The following TLE1 variants were observed in gnomAD, a reference collection of about 807,000 sequenced individuals.
TLE1 encodes TLE family member 1, transcriptional corepressor.
In TLE1, 21 loss-of-function variants were observed where a neutral mutation model predicts 89.8. The observed-to-expected ratio is 0.23, with a 90% CI of 0.17 to 0.34. TLE1 has a LOEUF of 0.34. Ranked by LOEUF, TLE1 falls within the 10% of genes least tolerant of loss-of-function variation. TLE1 has a pLI of 1.00. For missense variants in TLE1, 795 were observed against 1,031.2 expected (o/e 0.77, Z 3.14); for synonymous variants, 447 against 407.6 (o/e 1.10, Z -1.16).
chr9:81,650,177 G>A (rs1829368748), intron 6 of TLE1, among the ~76,000 whole-genome samples: 1 of 152,100 alleles, frequency 6.6e-6, no homozygotes, highest in Non-Finnish European at 1.5e-5. Context: ...AAATTCATTT[G>A]CCCTTCTAAA....
chr9:81,652,106 T>TATACACACAC, intron 6 of TLE1, 108 bp downstream of exon 6: 1 of 695,124 alleles, frequency 1.4e-6, no homozygotes, highest in Non-Finnish European at 2.3e-6. Flanking sequence ...AACGTTAAGA[T>TATACACACAC]ACACACACAC....
intron 8 of TLE1, among the ~76,000 whole-genome samples, chr9:81,624,168 T>C (rs969705228): frequency 6.6e-6 from 1 of 152,246 alleles, no homozygotes; most frequent in South Asian, 2.1e-4. Context: ...ACCTGACGCA[T>C]GGTTTCTCTG....
At chr9:81,631,955 A>G (rs1826673932) in intron 8 of TLE1, among the ~76,000 whole-genome samples, 1 of 152,172 alleles carries the variant, frequency 6.6e-6, no homozygotes, top group African/African-American at 2.4e-5. Context: ...ATACAAAATT[A>G]GCCAGGTGTG....
chr9:81,668,034 C>T (rs1831710996), intron 4 of TLE1, among the ~76,000 whole-genome samples: 1 of 152,040 alleles, frequency 6.6e-6, no homozygotes, highest in South Asian at 2.1e-4. Flanking sequence ...CGTGGTGGCA[C>T]ATGCCTATAA....
intron 6 of TLE1, among the ~76,000 whole-genome samples, chr9:81,641,396 G>T (rs1449122249): frequency 3.3e-5 from 5 of 151,916 alleles, no homozygotes; most frequent in Admixed American, 3.3e-4. Context: ...CTGCTTATGG[G>T]GCCAAGAATT....
At chr9:81,591,350 C>A (rs901881353) in intron 15 of TLE1, among the ~76,000 whole-genome samples, 1 of 152,278 alleles carries the variant, frequency 6.6e-6, no homozygotes, top group East Asian at 1.9e-4. Flanking sequence ...AACCACTTTT[C>A]CAAGCTAGTT....
chr9:81,622,184 G>A (rs987209061), intron 8 of TLE1, among the ~76,000 whole-genome samples: 9 of 152,214 alleles, frequency 5.9e-5, no homozygotes, highest in African/African-American at 1.9e-4. Context: ...CATGGGAAAC[G>A]TGTTTAAATA....
intron 9 of TLE1, among the ~76,000 whole-genome samples, chr9:81,617,701 CA>C (rs1038676726): frequency 1.1e-4 from 16 of 151,776 alleles, no homozygotes; most frequent in South Asian, 2.1e-4. Context: ...GACTCTGTCA[CA>C]AAAAAATAAA....
intron 6 of TLE1, among the ~76,000 whole-genome samples, chr9:81,650,781 A>C (rs1588123378): frequency 6.6e-6 from 1 of 152,182 alleles, no homozygotes; most frequent in East Asian, 1.9e-4. Context: ...CTAAGCTGTC[A>C]AGTGTAATAA....
intron 4 of TLE1, among the ~76,000 whole-genome samples, chr9:81,669,916 T>C (rs1832001483): frequency 6.6e-6 from 1 of 152,196 alleles, no homozygotes; most frequent in Non-Finnish European, 1.5e-5. Flanking sequence ...CCCCACAGTA[T>C]ATCAATGTCA....
chr9:81,672,241 A>AT (rs1832316543), intron 4 of TLE1, among the ~76,000 whole-genome samples: 1 of 152,160 alleles, frequency 6.6e-6, no homozygotes, highest in Non-Finnish European at 1.5e-5. Flanking sequence ...TTTCTACTGC[A>AT]TTGTGCTTGG....
At chr9:81,634,554 T>C (rs1827135001) in intron 6 of TLE1, among the ~76,000 whole-genome samples, 2 of 150,870 alleles carry the variant, frequency 1.3e-5, no homozygotes, top group South Asian at 4.2e-4. Flanking sequence ...TCCCAAAATA[T>C]AATCCTCACA....
chr9:81,661,660 A>G (rs2132768186), intron 4 of TLE1, among the ~76,000 whole-genome samples: 1 of 152,318 alleles, frequency 6.6e-6, no homozygotes, highest in Non-Finnish European at 1.5e-5. Flanking sequence ...TACATGGGCA[A>G]GAACATGAAA....
intron 6 of TLE1, among the ~76,000 whole-genome samples, chr9:81,644,747 A>G (rs1828606328): frequency 6.6e-6 from 1 of 152,170 alleles, no homozygotes; most frequent in African/African-American, 2.4e-5. Flanking sequence ...TAATCCCAGC[A>G]CTTTGGGAGG....
In TLE1 at chr9:81,639,300, A is replaced by G. The variant is rs559776182; in HGVS notation, c.373-4999T>C. On this transcript the variant is annotated intron_variant, in intron 6 of 19. Transcript: ENST00000376499. ...AGGCTGGTCTAGAACTCCTGGCTTC[A>G]AGCAATCCTCCTGCCTCGGCCTTCC... Among the ~76,000 whole-genome samples, 100 of 152,116 alleles carry G rather than the reference A, an allele frequency of 6.6e-4. 1 individual carries two copies. The highest frequency in any genetic ancestry group is 1.5e-5 in the Non-Finnish European group (1 of 67,990).
intron 14 of TLE1, among the ~76,000 whole-genome samples, chr9:81,597,070 C>T (rs1168108062): frequency 2.6e-5 from 4 of 152,154 alleles, no homozygotes; most frequent in Admixed American, 1.3e-4. Context: ...TCTCTGGCTA[C>T]GTCAACTGCG....
chr9:81,628,649 A>T (rs1329245650), intron 8 of TLE1, among the ~76,000 whole-genome samples: 1 of 152,194 alleles, frequency 6.6e-6, no homozygotes, highest in African/African-American at 2.4e-5. Context: ...AAACAAGGTG[A>T]TGTTTGTCAT....
intron 6 of TLE1, among the ~76,000 whole-genome samples, chr9:81,648,271 C>CAAAAAA (rs56842573): frequency 8.2e-6 from 1 of 122,432 alleles, no homozygotes; most frequent in African/African-American, 3.1e-5. Context: ...ACACTGTCTC[C>CAAAAAA]AAAAAAAAAA....
At chr9:81,685,616 G>A in intron 4 of TLE1, 60 bp downstream of exon 4, 2 of 1,562,772 alleles carry the variant, frequency 1.3e-6, no homozygotes, top group Non-Finnish European at 1.8e-6. Context: ...AACAAAGCCA[G>A]TATTATTAAA....
Sources: allele counts gnomAD v4.1 joint callset (sites outside exome capture counted in the v4.1 genomes callset), GRCh38; gene constraint gnomAD v4.1.1; transcripts MANE v1.5; gene names NCBI Gene and HGNC (gene_info 2026-07-23, HGNC 2026-07-21).